AMZ1: variants seen among roughly 807,000 people sequenced by gnomAD.
AMZ1 encodes archaelysin family metallopeptidase 1.
AMZ1 carries 39 observed loss-of-function variants against 29.9 expected under a neutral mutation model. That is an observed-to-expected ratio of 1.30 (90% CI 1.01 to 1.70). AMZ1 has a LOEUF of 1.70. AMZ1 is among the 40% of genes most tolerant of loss of function. The probability of loss-of-function intolerance (pLI) is 0.00; values close to 1 mark genes in which losing one functional copy is unlikely to be tolerated. For synonymous variants in AMZ1, 458 were observed against 304.0 expected (o/e 1.51, Z -5.27); for missense variants, 1,041 against 680.6 (o/e 1.53, Z -5.89).
chr7:2,724,110 C>T (rs61368887), downstream of AMZ1, among the ~76,000 whole-genome samples: 73 of 138,806 alleles, frequency 5.3e-4, no homozygotes, highest in African/African-American at 1.8e-3. Flanking sequence ...AGTGGGGGGG[C>T]GGGTCTCACC....
chr7:2,712,612 C>G lies in AMZ1; in HGVS notation c.1231C>G (p.Leu411Val). The G allele has an allele frequency of 6.2e-7, 1 of 1,612,852 alleles. No individual in the cohort carries two copies. The highest frequency in any genetic ancestry group is 8.5e-7 in the Non-Finnish European group (1 of 1,179,826). ...AEAIKEHERWLAMCIQALQRE... is the reference protein window; with the variant it reads ...AEAIKEHERWVAMCIQALQRE... ...GGCCATCAAGGAGCATGAACGGTGGCTGGCCATGTGCATCCAGGCCCTGCA... is the reference window on the plus strand; with the variant it reads ...GGCCATCAAGGAGCATGAACGGTGGGTGGCCATGTGCATCCAGGCCCTGCA... The change falls in exon 7 of 7, where the codon CTG (leucine) becomes GTG (valine). Residue 411 changes from leucine (L) to valine (V), a missense_variant. Leu to Val is a conservative substitution (Grantham distance 32). Coordinates refer to ENST00000683327, the MANE Select transcript of AMZ1 (RefSeq NM_001384743.1).
At chr7:2,758,935 G>A (rs1791426833) in intron 4 of AMZ1, among the ~76,000 whole-genome samples, 1 of 152,084 alleles carries the variant, frequency 6.6e-6, no homozygotes, top group African/African-American at 2.4e-5. Context: ...GAGGTCAGGA[G>A]TTCGAGACCA....
At chr7:2,733,856 A>T (rs920761813) in intron 4 of AMZ1, among the ~76,000 whole-genome samples, 2 of 152,194 alleles carry the variant, frequency 1.3e-5, no homozygotes, top group African/African-American at 4.8e-5. Context: ...AGGACAGGCT[A>T]GAATAGGATT....
At chr7:2,708,941 G>A (rs1788553701) in intron 4 of AMZ1, 134 bp from the exon 5 acceptor site, 2 of 1,303,294 alleles carry the variant, frequency 1.5e-6, no homozygotes, top group Admixed American at 5.4e-5. Context: ...CATGTGGGCA[G>A]GACAGGGCCT....
chr7:2,686,582 AGAAG>A (rs536641729), upstream of AMZ1, among the ~76,000 whole-genome samples: 34 of 152,348 alleles, frequency 2.2e-4, no homozygotes, highest in East Asian at 6.6e-3. Flanking sequence ...GAAGGCGATC[AGAAG>A]GATGTCTGAC....
At chr7:2,755,161 C>A (rs1034640279) in intron 4 of AMZ1, among the ~76,000 whole-genome samples, 4 of 152,198 alleles carry the variant, frequency 2.6e-5, no homozygotes, top group African/African-American at 7.2e-5. Flanking sequence ...CAGGCCTGAC[C>A]ACTGCAGGGA....
intron 5 of AMZ1, 76 bp downstream of exon 5, chr7:2,709,320 A>G: frequency 4.4e-6 from 6 of 1,377,548 alleles, no homozygotes; most frequent in South Asian, 1.5e-5. Context: ...GGTCTGTTAC[A>G]CTGCCCCATC....
At chr7:2,683,801 A>G (rs903290252), upstream of AMZ1, among the ~76,000 whole-genome samples, 16 of 151,926 alleles carry the variant, frequency 1.1e-4, no homozygotes, top group African/African-American at 3.9e-4. Context: ...TCCTGGGCTC[A>G]AGTGATCCTC....
chr7:2,747,445 G>T (rs887719560), intron 4 of AMZ1, among the ~76,000 whole-genome samples: 1 of 152,190 alleles, frequency 6.6e-6, no homozygotes, highest in Non-Finnish European at 1.5e-5. Flanking sequence ...AGTAGATGCA[G>T]AAAAGGCCTT....
In AMZ1 at chr7:2,731,468, A is replaced by G; in HGVS notation, n.550+21652A>G. On this transcript the variant is annotated intron_variant and non_coding_transcript_variant, in intron 4 of 4. Transcript: ENST00000489665. The surrounding 1 kb of genome is among the most constrained non-coding windows in gnomAD (Gnocchi z 6.0). ...AGGAAGAGAATGATGGAGACGTTGA[A>G]GAAGAGCTTGTTGTTGACGATGGTC... The G allele has an allele frequency of 6.2e-7, 1 of 1,613,926 alleles. No individual in the cohort carries two copies. The highest frequency in any genetic ancestry group is 8.5e-7 in the Non-Finnish European group (1 of 1,179,920).
chr7:2,711,470 G>C (rs1387668990), intron 6 of AMZ1, among the ~76,000 whole-genome samples: 1 of 152,232 alleles, frequency 6.6e-6, no homozygotes, highest in Admixed American at 6.5e-5. Flanking sequence ...ATGTGCAGTG[G>C]GACCTTGTTA....
chr7:2,692,638 C>G (rs549257497), intron 1 of AMZ1, among the ~76,000 whole-genome samples: 1 of 152,232 alleles, frequency 6.6e-6, no homozygotes, highest in East Asian at 1.9e-4. Context: ...GGCGCCTCTT[C>G]CGTAGCGAGG....
intron 1 of AMZ1, among the ~76,000 whole-genome samples, chr7:2,694,107 G>A (rs894914671): frequency 5.9e-5 from 9 of 152,182 alleles, no homozygotes; most frequent in African/African-American, 7.2e-5. Flanking sequence ...GTTCCTGGGC[G>A]TGTCTGTGAG....
chr7:2,721,097 C>T (rs1789400822), downstream of AMZ1, among the ~76,000 whole-genome samples: 1 of 152,180 alleles, frequency 6.6e-6, no homozygotes, highest in South Asian at 2.1e-4. Flanking sequence ...AGCTGCAAAA[C>T]GACCGACTCT....
chr7:2,687,496 G>A (rs1374508408), upstream of AMZ1, among the ~76,000 whole-genome samples: 1 of 152,348 alleles, frequency 6.6e-6, no homozygotes, highest in African/African-American at 2.4e-5. Context: ...GAGGAAAAGG[G>A]CAGTTTATGG....
intron 4 of AMZ1, among the ~76,000 whole-genome samples, chr7:2,746,533 AT>A (rs558205060): frequency 0.023 from 3,572 of 152,182 alleles, 95 homozygotes; most frequent in Middle Eastern, 0.075. Flanking sequence ...GTAGAGGGAA[AT>A]TTATAGCACT....
At chr7:2,727,369 T>G (rs1751903490) in intron 4 of AMZ1, among the ~76,000 whole-genome samples, 1 of 151,970 alleles carries the variant, frequency 6.6e-6, no homozygotes, top group Admixed American at 6.6e-5. Flanking sequence ...CATGAGCCAC[T>G]GCGCCCGGCC....
intron 4 of AMZ1, among the ~76,000 whole-genome samples, chr7:2,753,093 T>C (rs948181609): frequency 2.0e-5 from 3 of 152,194 alleles, no homozygotes; most frequent in Middle Eastern, 6.4e-3. Flanking sequence ...TGATCTGTTT[T>C]CTGTTCCTAT....
chr7:2,699,025 A>G (rs963790727), intron 1 of AMZ1, among the ~76,000 whole-genome samples: 1 of 152,018 alleles, frequency 6.6e-6, no homozygotes, highest in Non-Finnish European at 1.5e-5. Flanking sequence ...ATAAGGGTCT[A>G]TTCACACGTC....
Sources: allele counts gnomAD v4.1 joint callset (sites outside exome capture counted in the v4.1 genomes callset), GRCh38; gene constraint gnomAD v4.1.1; non-coding constraint Gnocchi (gnomAD v3.1); transcripts MANE v1.5; gene names NCBI Gene and HGNC (gene_info 2026-07-23, HGNC 2026-07-21).